Variants in SLC23A2 observed in about 807,000 individuals in gnomAD.
The protein encoded by SLC23A2 is Na(+)/L-ascorbic acid transporter 2.
SLC23A2 carries 36 observed loss-of-function variants against 73.3 expected under a neutral mutation model. That is an observed-to-expected ratio of 0.49 (90% CI 0.38 to 0.65). The LOEUF (loss-of-function observed/expected upper bound fraction) is 0.65, where lower values mean the gene tolerates loss of function less well. Among genes scored for constraint, SLC23A2 ranks in the 30% least tolerant of loss-of-function variants. The pLI, the probability that SLC23A2 is intolerant of heterozygous loss-of-function variation, is 0.00. For synonymous variants in SLC23A2, 343 were observed against 327.3 expected (o/e 1.05, Z -0.52); for missense variants, 507 against 841.6 (o/e 0.60, Z 4.92).
intron 1 of SLC23A2, among the ~76,000 whole-genome samples, chr20:4,990,871 C>T (rs564970213): frequency 8.1e-5 from 12 of 148,078 alleles, no homozygotes; most frequent in South Asian, 2.2e-4. Flanking sequence ...AATTCTACAT[C>T]GGAGGCTGAG....
intron 2 of SLC23A2, among the ~76,000 whole-genome samples, chr20:4,953,242 A>G (rs1715397): frequency 0.17 from 26,556 of 151,764 alleles, 4,287 homozygotes; most frequent in African/African-American, 0.43. Flanking sequence ...GGAGATGGAG[A>G]CTGCAGTCAG....
At chr20:4,993,698 T>C (rs2087969402) in intron 1 of SLC23A2, among the ~76,000 whole-genome samples, 1 of 152,186 alleles carries the variant, frequency 6.6e-6, no homozygotes, top group Non-Finnish European at 1.5e-5. Context: ...CTTTTAAATA[T>C]GCATACATTC....
intron 2 of SLC23A2, among the ~76,000 whole-genome samples, chr20:4,956,797 CTT>C (rs2087295354): frequency 7.1e-6 from 1 of 140,486 alleles, no homozygotes; most frequent in East Asian, 2.0e-4. Flanking sequence ...TCCCTTCCCT[CTT>C]CTTTTTTTTT....
chr20:4,915,528 T>C (rs1932291282), intron 3 of SLC23A2, among the ~76,000 whole-genome samples: 1 of 152,172 alleles, frequency 6.6e-6, no homozygotes, highest in African/African-American at 2.4e-5. Flanking sequence ...ACAGCTTGGA[T>C]TGAGGAGGTC....
chr20:4,899,521 G>C lies in SLC23A2; in HGVS notation c.482+34C>G, dbSNP rs1437708495. 1.2e-6 allele frequency: 2 copies of C among 1,605,796 alleles called. No homozygotes were observed. Among genetic ancestry groups the C allele is most frequent in the Non-Finnish European group, 1.7e-6 (2 of 1,174,372 alleles). On this transcript the variant is annotated intron_variant, in intron 6 of 16. Transcript: ENST00000338244. The surrounding 1 kb of genome is among the most constrained non-coding windows in gnomAD (Gnocchi z 4.9). ...CTTCTGCGCTCAATGCCTTCTGGGG[G>C]CTTTGGCATCCCCCATTAGTACCCC...
In SLC23A2 at chr20:4,867,491, G is replaced by A. The variant is rs1378836141; in HGVS notation, c.1356+279C>T. The stretch of plus-strand genomic sequence containing the variant: ...TTTTTAATTCACTGATGTATCCCAA[G>A]TGCCTTGAACAGTGGCCTGGCAGAG... On this transcript the variant is annotated intron_variant, in intron 13 of 16. Transcript: ENST00000338244. 2.0e-5 allele frequency among the ~76,000 whole-genome samples: 3 copies of A among 152,144 alleles called. No individual in the cohort carries two copies. The East Asian group carries it at 5.8e-4, about 29-fold the overall frequency.
intron 2 of SLC23A2, among the ~76,000 whole-genome samples, chr20:4,955,066 G>C (rs904139979): frequency 8.6e-5 from 13 of 151,930 alleles, no homozygotes; most frequent in Admixed American, 2.0e-4. Flanking sequence ...AACGTAACAA[G>C]ACCTACTCTC....
chr20:5,010,094 CAAAA>C (rs1298620633), intron 1 of SLC23A2: 5 of 55,806 alleles, frequency 9.0e-5, no homozygotes, highest in East Asian at 1.2e-3. Flanking sequence ...GACTCCGTCT[CAAAA>C]AAAAAAAAAA....
At chr20:4,983,713 T>A (rs1338979215) in intron 1 of SLC23A2, among the ~76,000 whole-genome samples, 1 of 150,212 alleles carries the variant, frequency 6.7e-6, no homozygotes, top group Non-Finnish European at 1.5e-5. Flanking sequence ...TCCCAGCACT[T>A]TGGGAGGCCA....
At chr20:4,990,667 C>T (rs542645183) in intron 1 of SLC23A2, among the ~76,000 whole-genome samples, 49 of 148,656 alleles carry the variant, frequency 3.3e-4, no homozygotes, top group African/African-American at 1.1e-3. Context: ...GCCACTGCCC[C>T]GGCCTCCATC....
At chr20:4,980,875 A>G (rs1224363925) in intron 1 of SLC23A2, among the ~76,000 whole-genome samples, 2 of 152,180 alleles carry the variant, frequency 1.3e-5, no homozygotes, top group Non-Finnish European at 2.9e-5. Flanking sequence ...ATATTCAATG[A>G]GTAAAATAAG....
At chr20:4,916,697 AGG>A (rs1932334404) in intron 3 of SLC23A2, among the ~76,000 whole-genome samples, 1 of 152,216 alleles carries the variant, frequency 6.6e-6, no homozygotes, top group Admixed American at 6.5e-5. Context: ...GGTTAAACTT[AGG>A]ATTTTTTGAC....
chr20:4,874,788 T>C (rs1600089402), intron 9 of SLC23A2, 92 bp from the exon 10 acceptor site: 3 of 1,068,792 alleles, frequency 2.8e-6, no homozygotes, highest in East Asian at 5.0e-5. Flanking sequence ...ATTGACATAG[T>C]GTTCAATTCA....
chr20:4,877,969 C>T (rs747842587), intron 9 of SLC23A2, among the ~76,000 whole-genome samples: 1 of 152,196 alleles, frequency 6.6e-6, no homozygotes, highest in Non-Finnish European at 1.5e-5. Flanking sequence ...CTCTCAATTC[C>T]AACAGAATCA....
chr20:4,991,106 A>G (rs1464463188), intron 1 of SLC23A2, among the ~76,000 whole-genome samples: 1 of 151,954 alleles, frequency 6.6e-6, no homozygotes, highest in African/African-American at 2.4e-5. Context: ...TCTAAATACC[A>G]AATATTTTCT....
intron 6 of SLC23A2, among the ~76,000 whole-genome samples, chr20:4,888,437 A>G (rs947805368): frequency 6.6e-6 from 1 of 152,344 alleles, no homozygotes; most frequent in African/African-American, 2.4e-5. Context: ...TTCTGCAGCT[A>G]GAAATTCTCA....
intron 2 of SLC23A2, among the ~76,000 whole-genome samples, chr20:4,935,186 CA>C (rs34200051): frequency 0.079 from 5,347 of 67,982 alleles, 80 homozygotes; most frequent in African/African-American, 0.17. Flanking sequence ...GACTCCGTCT[CA>C]AAAAAAAAAA....
chr20:4,893,015 C>A (rs1008083595), intron 6 of SLC23A2, among the ~76,000 whole-genome samples: 16 of 151,802 alleles, frequency 1.1e-4, no homozygotes, highest in African/African-American at 2.4e-5. Flanking sequence ...ACAAGAGACA[C>A]CGTCATTGCT....
At chr20:4,900,361 C>T (rs532373514) in intron 5 of SLC23A2, among the ~76,000 whole-genome samples, 4 of 152,298 alleles carry the variant, frequency 2.6e-5, no homozygotes, top group African/African-American at 7.2e-5. Flanking sequence ...ATTGCTAAAA[C>T]CATAAGGCCT....
Sources: gnomAD v4.1 joint callset for allele counts (sites outside exome capture counted in the v4.1 genomes callset) on GRCh38, gnomAD v4.1.1 for gene constraint, Gnocchi (gnomAD v3.1) non-coding constraint, MANE v1.5 for transcripts, NCBI Gene and HGNC (gene_info 2026-07-23, HGNC 2026-07-21) for gene names.